The following TP63 variants were observed in gnomAD, a reference collection of about 807,000 sequenced individuals.
TP63 encodes tumor protein 63.
TP63 carries 17 observed loss-of-function variants against 82.8 expected under a neutral mutation model. The ratio of observed to expected loss-of-function variants is 0.21; its 90% CI spans 0.14 to 0.31. The LOEUF is 0.31. TP63 is among the 10% of genes least tolerant of loss of function. The pLI is 1.00. For synonymous variants in TP63, 330 were observed against 321.7 expected, an observed-to-expected ratio of 1.03 and a Z score of -0.28; for missense variants, 648 against 895.3, an observed-to-expected ratio of 0.72 and a Z score of 3.52.
At chr3:189,842,935 C>T (rs946126941) in intron 4 of TP63, among the ~76,000 whole-genome samples, 40 of 152,276 alleles carry the variant, frequency 2.6e-4, no homozygotes, top group African/African-American at 7.9e-4. Context: ...ACAGAGGTGG[C>T]CCTGGCAGGA....
intron 3 of TP63, among the ~76,000 whole-genome samples, chr3:189,743,547 G>A (rs1319532766): frequency 6.6e-6 from 1 of 151,666 alleles, no homozygotes; most frequent in African/African-American, 2.4e-5. Flanking sequence ...CAGAAATGAA[G>A]GCTTCATTGC....
chr3:189,826,205 G>A (rs993244304), intron 4 of TP63, among the ~76,000 whole-genome samples: 5 of 152,140 alleles, frequency 3.3e-5, no homozygotes, highest in African/African-American at 1.2e-4. Flanking sequence ...TGTAAGTATT[G>A]ACTAAGGCAA....
chr3:189,673,211 A>G (rs966911677), intron 1 of TP63, among the ~76,000 whole-genome samples: 1 of 152,156 alleles, frequency 6.6e-6, no homozygotes, highest in South Asian at 2.1e-4. Flanking sequence ...ACATTCTTCC[A>G]TAATAATAAC....
At chr3:189,613,992 C>A in the TP63 span, among the ~76,000 whole-genome samples, 3 of 152,168 alleles carry the variant, frequency 2.0e-5, no homozygotes, top group Admixed American at 6.5e-5. Flanking sequence ...TGCCTTGTCT[C>A]AAATGAGACT....
intron 1 of TP63, among the ~76,000 whole-genome samples, chr3:189,703,427 A>AATAGATAGATAGATAGATAGACAGATAG (rs1553816189): frequency 4.2e-5 from 6 of 143,258 alleles, no homozygotes; most frequent in Admixed American, 1.4e-4. Flanking sequence ...CCCTGTCTAA[A>AATAGATAGATAGATAGATAGACAGATAG]ATAGATAGAT....
intron 4 of TP63, among the ~76,000 whole-genome samples, chr3:189,852,281 T>A (rs1715736216): frequency 6.6e-6 from 1 of 152,180 alleles, no homozygotes; most frequent in Non-Finnish European, 1.5e-5. Context: ...TTCATGTAAT[T>A]TTTTTATTTG....
intron 1 of TP63, among the ~76,000 whole-genome samples, chr3:189,729,065 T>G (rs1719973496): frequency 6.6e-6 from 1 of 152,124 alleles, no homozygotes; most frequent in Non-Finnish European, 1.5e-5. Context: ...CTAATGAAAA[T>G]TCTGCTTTTG....
chr3:189,747,913 A>T (rs1217202267), intron 3 of TP63, among the ~76,000 whole-genome samples: 3 of 152,104 alleles, frequency 2.0e-5, no homozygotes, highest in Non-Finnish European at 2.9e-5. Flanking sequence ...ATCATCAGAG[A>T]TTATTATGAA....
chr3:189,666,549 C>T (rs1714405585), intron 1 of TP63, among the ~76,000 whole-genome samples: 1 of 151,814 alleles, frequency 6.6e-6, no homozygotes. Flanking sequence ...CAATATTATT[C>T]TAGCAAAAGG....
At chr3:189,682,550 AAAAATATATATATATATATATATATATAT>A (rs1176063665) in intron 1 of TP63, among the ~76,000 whole-genome samples, 741 of 45,226 alleles carry the variant, frequency 0.016, 21 homozygotes, top group African/African-American at 0.064. Context: ...AAAAAAAAAA[AAAAATATATATATATATATATATATATAT>A]ATATATATAT....
chr3:189,819,768 T>C lies in TP63; in HGVS notation c.579+11242T>C, dbSNP rs9869075. ...TTACCTTTTTTTTTTTTTTTTTTTTTTGAGACAGTCTCTCACTCTGTCACT... is the reference window on the plus strand; with the variant it reads ...TTACCTTTTTTTTTTTTTTTTTTTTCTGAGACAGTCTCTCACTCTGTCACT... On this transcript the variant is annotated intron_variant, in intron 4 of 13. Transcript: ENST00000264731. Among the ~76,000 whole-genome samples, 1,124 of 120,234 alleles carry C rather than the reference T, an allele frequency of 9.3e-3. 10 individuals are homozygous for C. The highest frequency in any genetic ancestry group is 0.019 in the Middle Eastern group (4 of 208). 78.9% of individuals were successfully genotyped at this position (120,234 alleles called of 152,430 possible).
intron 10 of TP63, among the ~76,000 whole-genome samples, chr3:189,884,970 A>AT (rs1720289109): frequency 6.6e-6 from 1 of 152,110 alleles, no homozygotes; most frequent in Non-Finnish European, 1.5e-5. Context: ...TTTTAAAATG[A>AT]TTTTTTTCAA....
In TP63 at chr3:189,631,565, C is replaced by G. The variant is rs1408730457; in HGVS notation, c.50C>G (p.Pro17Arg). The change falls in exon 1 of 14, where the codon CCT (proline) becomes CGT (arginine). Residue 17 changes from proline to arginine, a missense_variant. This residue lies in a region of TP63 where 182 missense variants were observed against 213.6 expected (regional missense o/e 0.85). Coordinates refer to ENST00000264731, the MANE Select transcript of TP63 (RefSeq NM_003722.5). ...GCCACCCTACAGTACTGCCCTGACC[C>G]TTACATCCAGCGGTGAGTTTGAATG... ...RCATLQYCPD[P>R]YIQRFVETPA... The G allele has an allele frequency of 3.1e-6, 5 of 1,612,768 alleles. No individual in the cohort carries two copies. In the African/African-American group the frequency reaches 5.3e-5, roughly 17 times the overall value.
At position 189,868,600 on chromosome 3, in the gene TP63, G is replaced by A. The variant is rs1029852196; in HGVS notation, c.1013G>A (p.Arg338His). The change falls in exon 8 of 14, where the codon CGC becomes CAC. Residue 338 changes from arginine (R) to histidine (H), a missense_variant. By Grantham distance (29) the Arg-to-His change is conservative. Transcript: ENST00000264731. ...CCTAGTGGGCAAGTCCTGGGCCGAC[G>A]CTGCTTTGAGGCCCGGATCTGTGCT... Reference protein sequence around the residue: ...ETRDGQVLGRRCFEARICACP... With the variant: ...ETRDGQVLGRHCFEARICACP... 6.2e-6 allele frequency: 10 copies of A among 1,614,060 alleles called. No homozygotes were observed. Among genetic ancestry groups the A allele is most frequent in the South Asian group, 2.2e-5 (2 of 91,068 alleles).
chr3:189,703,159 C>T lies in TP63; in HGVS notation c.63-34581C>T, dbSNP rs957801457. 5.9e-5 allele frequency among the ~76,000 whole-genome samples: 9 copies of T among 152,202 alleles called. No individual in the cohort carries two copies. In the East Asian group the frequency reaches 1.7e-3, roughly 29 times the overall value. On this transcript the variant is annotated intron_variant, in intron 1 of 13. Coordinates refer to ENST00000264731, the MANE Select transcript of TP63 (RefSeq NM_003722.5). ...GTTCACAAACTTCTCTCAGGCCGGG[C>T]ACGGTGTCTCACGCCTGTAATCCCA...
chr3:189,718,503 A>C (rs1176612919), intron 1 of TP63, among the ~76,000 whole-genome samples: 1 of 149,754 alleles, frequency 6.7e-6, no homozygotes, highest in Admixed American at 6.8e-5. Flanking sequence ...CACTGTCATG[A>C]GAATGGCATG....
intron 3 of TP63, among the ~76,000 whole-genome samples, chr3:189,797,067 G>A (rs1026568183): frequency 3.9e-5 from 6 of 152,082 alleles, no homozygotes. Flanking sequence ...TTTTTGGAAT[G>A]TTAGTGAATG....
chr3:189,663,899 T>G (rs1197026516), intron 1 of TP63, among the ~76,000 whole-genome samples: 1 of 152,138 alleles, frequency 6.6e-6, no homozygotes, highest in Non-Finnish European at 1.5e-5. Context: ...TAGCAAATAA[T>G]AATGTTGTAA....
At chr3:189,854,287 A>G (rs868426609) in intron 4 of TP63, among the ~76,000 whole-genome samples, 2 of 152,070 alleles carry the variant, frequency 1.3e-5, no homozygotes, top group Non-Finnish European at 2.9e-5. Flanking sequence ...CCGGAGTGCA[A>G]TGGCGCAATC....
Sources: gnomAD v4.1 joint callset for allele counts (sites outside exome capture counted in the v4.1 genomes callset) on GRCh38, gnomAD v4.1.1 for gene constraint, gnomAD v4.1.1 regional missense constraint, MANE v1.5 for transcripts, NCBI Gene and HGNC (gene_info 2026-07-23, HGNC 2026-07-21) for gene names.